HEATR5A: variants seen among roughly 807,000 people sequenced by gnomAD.
HEATR5A encodes HEAT repeat-containing protein 5A.
HEATR5A carries 178 observed loss-of-function variants against 218.8 expected under a neutral mutation model. That is an observed-to-expected ratio of 0.81 (90% CI 0.72 to 0.92). The LOEUF is 0.92. Among genes scored for constraint, HEATR5A ranks in the 40% least tolerant of loss-of-function variants. The probability of loss-of-function intolerance (pLI) is 0.00; values close to 1 mark genes in which losing one functional copy is unlikely to be tolerated. For missense variants in HEATR5A, 2,420 were observed against 2,418.9 expected (o/e 1.00, Z -0.01); for synonymous variants, 864 against 871.6 (o/e 0.99, Z 0.15).
At position 31,387,240 on chromosome 14, in the gene HEATR5A, A is replaced by G. The variant is rs776803003; in HGVS notation, c.1069T>C (p.Cys357Arg). ...ATQTQIDAVC[C>R]RRCVSFILRT... Reference sequence around the variant, plus strand: ...AGAATAAATGAAACACAACGGCGACAGCAGACGGCATCGATCTGAGTTTGG... The same window carrying G: ...AGAATAAATGAAACACAACGGCGACGGCAGACGGCATCGATCTGAGTTTGG... Residue 357 changes from cysteine (C) to arginine (R), a missense_variant, in exon 8 of 36, where the codon TGT becomes CGT. Coordinates refer to ENST00000543095, the MANE Select transcript of HEATR5A (RefSeq NM_015473.4). The G allele has an allele frequency of 6.2e-6, 10 of 1,614,032 alleles. No homozygotes were observed. The highest frequency in any genetic ancestry group is 8.5e-6 in the Non-Finnish European group (10 of 1,179,900).
chr14:31,411,789 A>C (rs1456655713), intron 1 of HEATR5A, among the ~76,000 whole-genome samples: 3 of 152,208 alleles, frequency 2.0e-5, no homozygotes, highest in Non-Finnish European at 4.4e-5. Flanking sequence ...CAATCTTTGA[A>C]ATACTAATCA....
At chr14:31,403,582 T>A (rs1403622494) in intron 1 of HEATR5A, among the ~76,000 whole-genome samples, 3 of 152,186 alleles carry the variant, frequency 2.0e-5, no homozygotes, top group Non-Finnish European at 4.4e-5. Context: ...TTGCTTATAG[T>A]TTCAGGCTGG....
chr14:31,412,829 A>G (rs2031323570), intron 1 of HEATR5A, among the ~76,000 whole-genome samples: 1 of 152,176 alleles, frequency 6.6e-6, no homozygotes, highest in South Asian at 2.1e-4. Flanking sequence ...AGCCAAGATG[A>G]GGCCATTGCA....
intron 14 of HEATR5A, among the ~76,000 whole-genome samples, chr14:31,363,035 G>A (rs1198363804): frequency 6.6e-6 from 1 of 151,948 alleles, no homozygotes; most frequent in Non-Finnish European, 1.5e-5. Flanking sequence ...TAAGGAGTTT[G>A]AGACCAGCCT....
chr14:31,303,909 T>TA (rs1899470042), intron 32 of HEATR5A, among the ~76,000 whole-genome samples: 1 of 151,996 alleles, frequency 6.6e-6, no homozygotes. Context: ...AATGCTATGT[T>TA]AAAGAGTATG....
intron 13 of HEATR5A, among the ~76,000 whole-genome samples, chr14:31,370,103 G>A (rs771458927): frequency 2.0e-5 from 3 of 151,822 alleles, no homozygotes; most frequent in Non-Finnish European, 4.4e-5. Flanking sequence ...GTGGGCGCTT[G>A]TAGTCCCAGC....
intron 19 of HEATR5A, 89 bp from the exon 20 acceptor site, chr14:31,345,365 G>A: frequency 9.6e-7 from 1 of 1,039,886 alleles, no homozygotes; most frequent in Non-Finnish European, 1.4e-6. Flanking sequence ...TGAAGCAAGT[G>A]ATAAAGTAAC....
At position 31,420,506 on chromosome 14, in the gene HEATR5A, G is replaced by T. The variant is rs1178592101; in HGVS notation, c.-109C>A. ...TCCTCCTCAGCTGAGCGTGCGTCCC[G>T]GTCCAGCAACGTTACCGGCTGCTCT... is the stretch of plus-strand genomic sequence containing the variant. On this transcript the variant is annotated 5_prime_UTR_variant, in exon 1 of 36. Coordinates refer to ENST00000543095, the MANE Select transcript of HEATR5A (RefSeq NM_015473.4). The T allele has an allele frequency of 6.6e-6, 1 of 152,460 alleles. No individual in the cohort carries two copies. Among genetic ancestry groups the T allele is most frequent in the African/African-American group, 2.4e-5 (1 of 41,444 alleles). The allele number at this position is 152,460 out of a possible 1,614,324, so 9.4% of individuals were successfully genotyped here. A position where few individuals can be genotyped will look rare whatever the true frequency, so the allele number is the denominator to read the frequency against.
intron 22 of HEATR5A, among the ~76,000 whole-genome samples, chr14:31,328,267 T>C (rs1900338470): frequency 6.6e-6 from 1 of 152,016 alleles, no homozygotes; most frequent in South Asian, 2.1e-4. Context: ...GGTGTTTTGT[T>C]TTGTTGGTAC....
chr14:31,360,048 T>A (rs1403634769), intron 14 of HEATR5A, among the ~76,000 whole-genome samples: 1 of 17,342 alleles, frequency 5.8e-5, no homozygotes, highest in African/African-American at 8.3e-5. Context: ...AATCTCATGT[T>A]GTAAAAAAAA....
At chr14:31,410,069 T>C (rs571422194) in intron 1 of HEATR5A, among the ~76,000 whole-genome samples, 30 of 152,338 alleles carry the variant, frequency 2.0e-4, no homozygotes, top group Non-Finnish European at 3.5e-4. Flanking sequence ...GGTTTGTTAG[T>C]GTCTTCCTTC....
chr14:31,368,828 C>G (rs1393461778), intron 13 of HEATR5A, among the ~76,000 whole-genome samples: 1 of 151,868 alleles, frequency 6.6e-6, no homozygotes. Flanking sequence ...TCCCAAAGCA[C>G]TAGGATTACA....
At chr14:31,304,682 GC>G (rs1471644957) in intron 32 of HEATR5A, among the ~76,000 whole-genome samples, 2 of 152,210 alleles carry the variant, frequency 1.3e-5, no homozygotes, top group Non-Finnish European at 2.9e-5. Flanking sequence ...CTTCCAAAGT[GC>G]TGGGATTACA....
chr14:31,395,414 G>T, intron 4 of HEATR5A, 66 bp from the exon 5 acceptor site: 1 of 825,962 alleles, frequency 1.2e-6, no homozygotes, highest in Non-Finnish European at 1.8e-6. Context: ...ATTAAACATT[G>T]ATATCTGTCT....
At chr14:31,377,407 T>C (rs1014755147) in intron 11 of HEATR5A, among the ~76,000 whole-genome samples, 1 of 49,242 alleles carries the variant, frequency 2.0e-5, no homozygotes, top group East Asian at 6.0e-4. Context: ...CATGAGCTCA[T>C]AATGATACCT....
intron 20 of HEATR5A, among the ~76,000 whole-genome samples, chr14:31,344,604 GAA>G (rs1461930308): frequency 6.8e-6 from 1 of 147,696 alleles, no homozygotes; most frequent in East Asian, 1.9e-4. Flanking sequence ...TTCTTAATCT[GAA>G]AAGTTTATTA....
rs1428092916 is a variant in HEATR5A at position 31,334,395 on chromosome 14, G to C, written c.3367+3081C>G. ...AAAGTAACTGAAAACCTTCTGGAAA[G>C]GATTATCATTCTAGATGGTTTCTGC... On this transcript the variant is annotated intron_variant, in intron 22 of 35. Coordinates refer to ENST00000543095, the MANE Select transcript of HEATR5A (RefSeq NM_015473.4). The C allele has an allele frequency of 8.8e-6, 4 of 455,820 alleles. 1 individual carries two copies. Among genetic ancestry groups the C allele is most frequent in the African/African-American group, 2.0e-5 (1 of 50,072 alleles). 28.2% of individuals were successfully genotyped at this position (455,820 alleles called of 1,614,324 possible). A position where few individuals can be genotyped will look rare whatever the true frequency, so the allele number is the denominator to read the frequency against.
At chr14:31,412,918 T>C (rs565621855) in intron 1 of HEATR5A, among the ~76,000 whole-genome samples, 4 of 152,310 alleles carry the variant, frequency 2.6e-5, no homozygotes, top group South Asian at 4.1e-4. Context: ...AACTTTCACA[T>C]ATACATCCTT....
At chr14:31,378,941 TTTTTTA>T (rs1393967677) in intron 11 of HEATR5A, among the ~76,000 whole-genome samples, 1 of 151,886 alleles carries the variant, frequency 6.6e-6, no homozygotes, top group African/African-American at 2.4e-5. Context: ...TTTATTATTA[TTTTTTA>T]TTTTTATTTT....
Sources: gnomAD v4.1 joint callset for allele counts (sites outside exome capture counted in the v4.1 genomes callset) on GRCh38, gnomAD v4.1.1 for gene constraint, MANE v1.5 for transcripts, NCBI Gene and HGNC (gene_info 2026-07-23, HGNC 2026-07-21) for gene names.